CDYL: variants seen among roughly 807,000 people sequenced by gnomAD.
CDYL encodes chromodomain Y-like protein.
CDYL carries 8 observed loss-of-function variants against 47.3 expected under a neutral mutation model. That is an observed-to-expected ratio of 0.17 (90% CI 0.10 to 0.31). The LOEUF is 0.31. Ranked by LOEUF, CDYL falls within the 10% of genes least tolerant of loss-of-function variation. The pLI, the probability that CDYL is intolerant of heterozygous loss-of-function variation, is 1.00. For missense variants in CDYL, 471 were observed against 701.4 expected, an observed-to-expected ratio of 0.67 and a Z score of 3.71; for synonymous variants, 266 against 265.0, an observed-to-expected ratio of 1.00 and a Z score of -0.04.
rs2127442080 is a variant in CDYL at position 4,806,763 on chromosome 6, G to A, written c.24+29956G>A. 2.0e-5 allele frequency among the ~76,000 whole-genome samples: 3 copies of A among 152,282 alleles called. 1 individual carries two copies. In the South Asian group the frequency reaches 6.2e-4, roughly 32 times the overall value. On this transcript the variant is annotated intron_variant, in intron 1 of 6. Transcript: ENST00000397588. ...GTGCCTTTAAGTTCTTTTGTAAAATGTTCCTAAATTCTGGTTTTCTGTCAG... is the reference window on the plus strand; with the variant it reads ...GTGCCTTTAAGTTCTTTTGTAAAATATTCCTAAATTCTGGTTTTCTGTCAG...
intron 1 of CDYL, among the ~76,000 whole-genome samples, chr6:4,814,432 A>G (rs893725508): frequency 6.6e-6 from 1 of 152,186 alleles, no homozygotes; most frequent in Non-Finnish European, 1.5e-5. Flanking sequence ...AGGTCAAAGG[A>G]ATTTAACTTA....
intron 1 of CDYL, among the ~76,000 whole-genome samples, chr6:4,878,654 A>G (rs1312293648): frequency 6.6e-6 from 1 of 152,024 alleles, no homozygotes; most frequent in East Asian, 1.9e-4. Context: ...CGATATTGGT[A>G]GTGTGTGTTT....
At chr6:4,747,046 C>T (rs770563103) in intron 3 of CDYL, among the ~76,000 whole-genome samples, 10 of 152,280 alleles carry the variant, frequency 6.6e-5, no homozygotes, top group Non-Finnish European at 1.3e-4. Flanking sequence ...CAGTGGCTCA[C>T]GCCTGTAATC....
intron 3 of CDYL, among the ~76,000 whole-genome samples, chr6:4,757,696 G>T (rs11961805): frequency 6.6e-6 from 1 of 151,956 alleles, no homozygotes; most frequent in Non-Finnish European, 1.5e-5. Context: ...TCTATTTTTC[G>T]TATAACTTTT....
intron 1 of CDYL, among the ~76,000 whole-genome samples, chr6:4,708,532 G>T (rs1757089684): frequency 6.6e-6 from 1 of 151,994 alleles, no homozygotes; most frequent in African/African-American, 2.4e-5. Flanking sequence ...GTTAATTTTT[G>T]AATTTTTTCT....
At chr6:4,817,642 G>C (rs1173190311) in intron 1 of CDYL, among the ~76,000 whole-genome samples, 3 of 151,944 alleles carry the variant, frequency 2.0e-5, no homozygotes, top group African/African-American at 4.8e-5. Context: ...ACTTTATTCT[G>C]CCCAGTGTTG....
At chr6:4,726,183 C>CAGAT (rs370381376) in intron 2 of CDYL, among the ~76,000 whole-genome samples, 98 of 152,216 alleles carry the variant, frequency 6.4e-4, no homozygotes, top group African/African-American at 2.2e-3. Context: ...CGTACACAGG[C>CAGAT]AGATAACTTG....
At chr6:4,783,825 G>A (rs751205165) in intron 1 of CDYL, among the ~76,000 whole-genome samples, 1 of 152,046 alleles carries the variant, frequency 6.6e-6, no homozygotes, top group Non-Finnish European at 1.5e-5. Context: ...TGTTTAATAC[G>A]ACAATGTATT....
chr6:4,773,921 A>G (rs1002054979), upstream of CDYL, among the ~76,000 whole-genome samples: 2 of 152,234 alleles, frequency 1.3e-5, no homozygotes, highest in Non-Finnish European at 2.9e-5. This position sits in a 1 kb window ranked among gnomAD's most constrained non-coding sequence, Gnocchi z 4.6. Flanking sequence ...TTTTGAGGCT[A>G]TAATTCTTCC....
chr6:4,828,488 A>G (rs998875358), intron 1 of CDYL, among the ~76,000 whole-genome samples: 1 of 152,082 alleles, frequency 6.6e-6, no homozygotes, highest in African/African-American at 2.4e-5. Flanking sequence ...GAAATCAGCT[A>G]TTAATCTTAT....
intron 2 of CDYL, among the ~76,000 whole-genome samples, chr6:4,930,739 T>C (rs1758009003): frequency 1.3e-5 from 2 of 152,270 alleles, no homozygotes; most frequent in African/African-American, 4.8e-5. Context: ...ATATCCTTTT[T>C]GCTCTTGAAC....
At chr6:4,713,181 A>T (rs1757183542) in intron 1 of CDYL, among the ~76,000 whole-genome samples, 3 of 152,326 alleles carry the variant, frequency 2.0e-5, no homozygotes, top group South Asian at 4.1e-4. Context: ...CACAATCATT[A>T]AGTGAGGGCT....
chr6:4,707,534 A>C (rs1402520911), intron 1 of CDYL, among the ~76,000 whole-genome samples: 1 of 152,134 alleles, frequency 6.6e-6, no homozygotes, highest in African/African-American at 2.4e-5. Context: ...GGCCTCCCAA[A>C]GTGCTGGGAT....
At chr6:4,951,525 A>G (rs1387467863) in intron 5 of CDYL, among the ~76,000 whole-genome samples, 2 of 152,018 alleles carry the variant, frequency 1.3e-5, no homozygotes, top group African/African-American at 2.4e-5. Flanking sequence ...ACACATATAT[A>G]TTCTTTTAAA....
chr6:4,812,141 T>C (rs1005525976), intron 1 of CDYL, among the ~76,000 whole-genome samples: 5 of 152,224 alleles, frequency 3.3e-5, no homozygotes, highest in Non-Finnish European at 7.3e-5. Flanking sequence ...ATAGTGAACA[T>C]AGAAAGTACT....
chr6:4,860,952 G>A (rs1761152066), intron 1 of CDYL, among the ~76,000 whole-genome samples: 1 of 152,022 alleles, frequency 6.6e-6, no homozygotes, highest in South Asian at 2.1e-4. Context: ...ATGTTTATCT[G>A]TTTTGGCCAC....
intron 1 of CDYL, among the ~76,000 whole-genome samples, chr6:4,851,047 A>C (rs1236082437): frequency 6.6e-6 from 1 of 152,212 alleles, no homozygotes; most frequent in Non-Finnish European, 1.5e-5. Context: ...ATTTAATCAT[A>C]CTGCCCTAAA....
intron 1 of CDYL, among the ~76,000 whole-genome samples, chr6:4,875,611 A>T (rs936607571): frequency 5.3e-5 from 8 of 152,220 alleles, no homozygotes; most frequent in South Asian, 2.1e-4. Flanking sequence ...CATTTGATTT[A>T]AAAAATTTGA....
chr6:4,799,257 A>G (rs1051995294), intron 1 of CDYL, among the ~76,000 whole-genome samples: 5 of 152,164 alleles, frequency 3.3e-5, no homozygotes, highest in African/African-American at 1.2e-4. Flanking sequence ...ATTGTAGTCA[A>G]AGCACATTTC....
Sources: allele counts gnomAD v4.1 joint callset (sites outside exome capture counted in the v4.1 genomes callset), GRCh38; gene constraint gnomAD v4.1.1; non-coding constraint Gnocchi (gnomAD v3.1); transcripts MANE v1.5; gene names NCBI Gene and HGNC (gene_info 2026-07-23, HGNC 2026-07-21).